FBXL17: variants seen among roughly 807,000 people sequenced by gnomAD.
FBXL17 encodes F-box/LRR-repeat protein 17.
A neutral mutation model predicts 66.2 loss-of-function variants in FBXL17; 22 were observed. The observed-to-expected ratio is 0.33, with a 90% CI of 0.24 to 0.47. The LOEUF is 0.47. FBXL17 is among the 20% of genes least tolerant of loss of function. The pLI, the probability that FBXL17 is intolerant of heterozygous loss-of-function variation, is 1.00. For missense variants in FBXL17, 878 were observed against 948.2 expected, an observed-to-expected ratio of 0.93 and a Z score of 0.97; for synonymous variants, 474 against 400.5, an observed-to-expected ratio of 1.18 and a Z score of -2.19.
At chr5:107,905,153 A>G (rs1749713612) in intron 7 of FBXL17, among the ~76,000 whole-genome samples, 1 of 152,150 alleles carries the variant, frequency 6.6e-6, no homozygotes, top group Non-Finnish European at 1.5e-5. Context: ...ATTGCTCTAT[A>G]GTCTAAGAGA....
chr5:108,199,092 T>A lies in FBXL17; in HGVS notation c.1615-12845A>T, dbSNP rs1753789376. Reference sequence around the variant, plus strand: ...AAAGCTTCAGCCAATTGAAATAAAATTAAAAATAACAATATCTAGTATACA... The same window carrying A: ...AAAGCTTCAGCCAATTGAAATAAAAATAAAAATAACAATATCTAGTATACA... On this transcript the variant is annotated intron_variant, in intron 5 of 8. Transcript: ENST00000542267. Among the ~76,000 whole-genome samples, 6 of 152,108 alleles carry A rather than the reference T, an allele frequency of 3.9e-5. No homozygotes were observed. In the South Asian group the frequency reaches 1.2e-3, roughly 31 times the overall value.
intron 7 of FBXL17, among the ~76,000 whole-genome samples, chr5:107,967,160 AAT>A (rs1491480211): frequency 6.6e-6 from 1 of 151,978 alleles, no homozygotes; most frequent in Non-Finnish European, 1.5e-5. Context: ...TTAGGATTTC[AAT>A]TTTTTTTTCT....
intron 6 of FBXL17, among the ~76,000 whole-genome samples, chr5:108,185,750 A>C (rs2150031728): frequency 6.6e-6 from 1 of 152,338 alleles, no homozygotes; most frequent in East Asian, 1.9e-4. Flanking sequence ...GTTTCTCCAA[A>C]TCATTAAAAT....
At chr5:108,348,333 T>C in intron 4 of FBXL17, 66 bp downstream of exon 4, 2 of 1,395,870 alleles carry the variant, frequency 1.4e-6, no homozygotes, top group Non-Finnish European at 1.9e-6. Flanking sequence ...AAATTATAAA[T>C]AAACTTGAAA....
At chr5:107,943,513 C>A (rs1165943895) in intron 7 of FBXL17, among the ~76,000 whole-genome samples, 2 of 151,574 alleles carry the variant, frequency 1.3e-5, no homozygotes, top group Non-Finnish European at 2.9e-5. Context: ...TTTCTCTCTA[C>A]CCCAACTTTC....
chr5:107,893,734 A>C (rs1250209578), intron 7 of FBXL17, among the ~76,000 whole-genome samples: 2 of 152,190 alleles, frequency 1.3e-5, no homozygotes, highest in African/African-American at 4.8e-5. Flanking sequence ...CAGACTGATC[A>C]CTTTAATGAG....
intron 6 of FBXL17, among the ~76,000 whole-genome samples, chr5:108,077,679 GA>G: frequency 6.7e-6 from 1 of 149,786 alleles, no homozygotes; most frequent in Middle Eastern, 3.4e-3. Flanking sequence ...AAAAAAAAAT[GA>G]AAAAAATGAA....
At chr5:108,189,225 C>T (rs1260625681) in intron 5 of FBXL17, among the ~76,000 whole-genome samples, 2 of 146,448 alleles carry the variant, frequency 1.4e-5, no homozygotes, top group African/African-American at 2.5e-5. Context: ...TCAACTGGGG[C>T]TGTATTTCTT....
intron 6 of FBXL17, among the ~76,000 whole-genome samples, chr5:108,063,861 A>C (rs1018891090): frequency 6.6e-6 from 1 of 152,180 alleles, no homozygotes; most frequent in Non-Finnish European, 1.5e-5. Context: ...GATTTAAAAA[A>C]AATTTGCTTT....
chr5:108,146,156 C>A (rs1751548331), intron 6 of FBXL17, among the ~76,000 whole-genome samples: 2 of 151,612 alleles, frequency 1.3e-5, no homozygotes, highest in Non-Finnish European at 2.9e-5. Context: ...GGCGTGAATC[C>A]GAGAGGCAGA....
intron 6 of FBXL17, among the ~76,000 whole-genome samples, chr5:108,044,432 G>C (rs1580365735): frequency 6.6e-6 from 1 of 152,080 alleles, no homozygotes; most frequent in African/African-American, 2.4e-5. Context: ...TTTGACAACT[G>C]ATATGATCAT....
chr5:108,324,450 G>A (rs759478108), intron 4 of FBXL17, among the ~76,000 whole-genome samples: 1 of 152,010 alleles, frequency 6.6e-6, no homozygotes. Flanking sequence ...GTGTCAGCAA[G>A]GATGTGGAGA....
At chr5:107,868,186 T>C (rs190124230) in intron 8 of FBXL17, among the ~76,000 whole-genome samples, 2 of 152,290 alleles carry the variant, frequency 1.3e-5, no homozygotes, top group African/African-American at 4.8e-5. Context: ...CACAGTGCTC[T>C]TTGCACTGTA....
At chr5:108,349,040 G>A (rs987669417) in intron 3 of FBXL17, among the ~76,000 whole-genome samples, 18 of 151,942 alleles carry the variant, frequency 1.2e-4, no homozygotes, top group South Asian at 4.2e-4. Flanking sequence ...TCCTGGCCTC[G>A]AGCAATCCTC....
At chr5:108,013,014 CAAAAAAAAA>C (rs57393639) in intron 7 of FBXL17, among the ~76,000 whole-genome samples, 3 of 79,424 alleles carry the variant, frequency 3.8e-5, no homozygotes, top group Non-Finnish European at 7.0e-5. Context: ...AACTCCGTCT[CAAAAAAAAA>C]AAAAAAAAAA....
intron 6 of FBXL17, among the ~76,000 whole-genome samples, chr5:108,165,141 T>C (rs193155121): frequency 4.6e-5 from 7 of 152,312 alleles, no homozygotes; most frequent in East Asian, 1.9e-4. Context: ...AGAATGTCTA[T>C]TAATAAGAGA....
At chr5:108,379,515 A>G (rs535114917) in intron 1 of FBXL17, among the ~76,000 whole-genome samples, 2 of 152,298 alleles carry the variant, frequency 1.3e-5, no homozygotes, top group African/African-American at 4.8e-5. Context: ...TCACTGTAAA[A>G]CAGACCCAAA....
At chr5:107,880,892 T>C (rs1748766570) in intron 8 of FBXL17, 145 bp downstream of exon 8, 2 of 1,431,498 alleles carry the variant, frequency 1.4e-6, no homozygotes, top group South Asian at 1.6e-5. Context: ...AAACAATGCA[T>C]AGCTATAATT....
intron 4 of FBXL17, among the ~76,000 whole-genome samples, chr5:108,342,580 G>C (rs139061515): frequency 2.9e-4 from 44 of 152,256 alleles, no homozygotes; most frequent in Admixed American, 7.8e-4. Flanking sequence ...GTGTGGATTA[G>C]CATTACAGGT....
Sources: allele counts gnomAD v4.1 joint callset (sites outside exome capture counted in the v4.1 genomes callset), GRCh38; gene constraint gnomAD v4.1.1; transcripts MANE v1.5; gene names NCBI Gene and HGNC (gene_info 2026-07-23, HGNC 2026-07-21).